Variants in SLC24A2 observed in about 807,000 individuals in gnomAD.
SLC24A2 encodes solute carrier family 24 member 2.
SLC24A2 carries 36 observed loss-of-function variants against 62.0 expected under a neutral mutation model. The observed-to-expected ratio is 0.58, with a 90% CI of 0.44 to 0.77. The LOEUF is 0.77. Among genes scored for constraint, SLC24A2 ranks in the 30% least tolerant of loss-of-function variants. SLC24A2 has a pLI of 0.00. For synonymous variants in SLC24A2, 358 were observed against 294.0 expected, an observed-to-expected ratio of 1.22 and a Z score of -2.23; for missense variants, 846 against 817.9, an observed-to-expected ratio of 1.03 and a Z score of -0.42.
At chr9:19,975,978 C>A in the SLC24A2 span, among the ~76,000 whole-genome samples, 4 of 151,992 alleles carry the variant, frequency 2.6e-5, no homozygotes, top group Non-Finnish European at 5.9e-5. Context: ...TGAACATGAC[C>A]TCCTGGGCTC....
At chr9:20,118,239 GACCCAACTGCCACT>G in the SLC24A2 span, among the ~76,000 whole-genome samples, 1 of 151,972 alleles carries the variant, frequency 6.6e-6, no homozygotes, top group Non-Finnish European at 1.5e-5. Flanking sequence ...TACACAATAA[GACCCAACTGCCACT>G]ACCAGTATGT....
the SLC24A2 span, among the ~76,000 whole-genome samples, chr9:20,006,172 A>G: frequency 3.4e-4 from 51 of 151,674 alleles, no homozygotes; most frequent in Non-Finnish European, 5.5e-4. Context: ...TCATATTTAT[A>G]TATTAATATG....
chr9:19,824,073 A>G, the SLC24A2 span, among the ~76,000 whole-genome samples: 1 of 152,220 alleles, frequency 6.6e-6, no homozygotes, highest in Non-Finnish European at 1.5e-5. Flanking sequence ...AAAACCCTAG[A>G]AGAAAACCTA....
At chr9:20,269,923 T>C in the SLC24A2 span, among the ~76,000 whole-genome samples, 2 of 152,192 alleles carry the variant, frequency 1.3e-5, no homozygotes, top group Non-Finnish European at 2.9e-5. Context: ...AAGAGGCTTA[T>C]TTAGCTCACA....
the SLC24A2 span, among the ~76,000 whole-genome samples, chr9:20,053,462 C>T: frequency 6.6e-6 from 1 of 152,098 alleles, no homozygotes; most frequent in Admixed American, 6.6e-5. Flanking sequence ...TACTTTATTT[C>T]CTTGCTCTGA....
At chr9:19,736,766 C>T (rs1328512583) in intron 2 of SLC24A2, among the ~76,000 whole-genome samples, 2 of 152,216 alleles carry the variant, frequency 1.3e-5, no homozygotes, top group African/African-American at 2.4e-5. Flanking sequence ...GCAGGAGGAT[C>T]CCTTGAGACC....
intron 2 of SLC24A2, among the ~76,000 whole-genome samples, chr9:19,706,647 G>C (rs1468274474): frequency 2.0e-5 from 3 of 152,004 alleles, no homozygotes; most frequent in Admixed American, 1.3e-4. Flanking sequence ...CAAAGTGCTG[G>C]GATTACAGGC....
chr9:19,880,397 C>T, the SLC24A2 span, among the ~76,000 whole-genome samples: 1 of 152,188 alleles, frequency 6.6e-6, no homozygotes, highest in Non-Finnish European at 1.5e-5. Context: ...AGGGATTTAA[C>T]CTTTCTTATG....
At chr9:20,208,256 T>G in the SLC24A2 span, among the ~76,000 whole-genome samples, 1 of 151,968 alleles carries the variant, frequency 6.6e-6, no homozygotes, top group Non-Finnish European at 1.5e-5. Flanking sequence ...GGGGTAGAAG[T>G]CTTCACAGGA....
intron 5 of SLC24A2, among the ~76,000 whole-genome samples, chr9:19,596,493 G>C (rs1187020681): frequency 2.0e-5 from 3 of 152,188 alleles, no homozygotes; most frequent in African/African-American, 4.8e-5. Context: ...TCACATTGCT[G>C]TTCCATGGCA....
At chr9:19,796,236 C>T in the SLC24A2 span, among the ~76,000 whole-genome samples, 1 of 151,708 alleles carries the variant, frequency 6.6e-6, no homozygotes, top group Non-Finnish European at 1.5e-5. Flanking sequence ...CTAACCTGCA[C>T]GTTGTGCACA....
At chr9:19,905,233 T>C in the SLC24A2 span, among the ~76,000 whole-genome samples, 3 of 152,124 alleles carry the variant, frequency 2.0e-5, no homozygotes, top group Non-Finnish European at 2.9e-5. Context: ...AGACTGTCTC[T>C]TACTTCATCA....
At chr9:19,725,718 G>T (rs1204739706) in intron 2 of SLC24A2, among the ~76,000 whole-genome samples, 1 of 152,160 alleles carries the variant, frequency 6.6e-6, no homozygotes, top group Non-Finnish European at 1.5e-5. Flanking sequence ...AATTTTTCAT[G>T]AGTGAGAATT....
the SLC24A2 span, among the ~76,000 whole-genome samples, chr9:19,893,034 A>G: frequency 6.6e-6 from 1 of 152,196 alleles, no homozygotes; most frequent in East Asian, 1.9e-4. Flanking sequence ...AATCCTCTCC[A>G]TGGTTTCCCC....
the SLC24A2 span, among the ~76,000 whole-genome samples, chr9:20,162,943 A>C: frequency 6.6e-6 from 1 of 152,176 alleles, no homozygotes. Flanking sequence ...CTTCATGATA[A>C]AAACTCTCAA....
the SLC24A2 span, among the ~76,000 whole-genome samples, chr9:20,056,858 A>T: frequency 0.02 from 3,000 of 152,290 alleles, 87 homozygotes; most frequent in African/African-American, 0.064. Flanking sequence ...ACTAATGAAC[A>T]AACTCCTTTC....
the SLC24A2 span, among the ~76,000 whole-genome samples, chr9:19,952,577 T>C: frequency 6.6e-6 from 1 of 152,078 alleles, no homozygotes; most frequent in South Asian, 2.1e-4. Flanking sequence ...TCTAACAAGA[T>C]AATCACATAT....
chr9:19,822,874 G>T, the SLC24A2 span, among the ~76,000 whole-genome samples: 2 of 151,908 alleles, frequency 1.3e-5, no homozygotes, highest in Non-Finnish European at 2.9e-5. Flanking sequence ...GCAAAACCAC[G>T]GGCCCCTTCT....
At chr9:20,030,119 A>G in the SLC24A2 span, among the ~76,000 whole-genome samples, 3 of 152,254 alleles carry the variant, frequency 2.0e-5, no homozygotes, top group Admixed American at 2.0e-4. Context: ...GCAAAGGCAT[A>G]CAGCACCACA....
Sources: allele counts gnomAD v4.1 joint callset (sites outside exome capture counted in the v4.1 genomes callset), GRCh38; gene constraint gnomAD v4.1.1; transcripts MANE v1.5; gene names NCBI Gene and HGNC (gene_info 2026-07-23, HGNC 2026-07-21).